PID1: variants seen among roughly 807,000 people sequenced by gnomAD.
PID1 encodes phosphotyrosine interaction domain containing 1.
A neutral mutation model predicts 19.1 loss-of-function variants in PID1; 10 were observed. That is an observed-to-expected ratio of 0.52 (90% CI 0.32 to 0.89). The LOEUF (loss-of-function observed/expected upper bound fraction) is 0.89. Among genes scored for constraint, PID1 ranks in the 40% least tolerant of loss-of-function variants. PID1 has a pLI of 0.03. For synonymous variants in PID1, 130 were observed against 116.0 expected, an observed-to-expected ratio of 1.12 and a Z score of -0.78; for missense variants, 248 against 285.3, an observed-to-expected ratio of 0.87 and a Z score of 0.94.
In PID1 at chr2:229,124,400, T is replaced by TA. The variant is rs892642551; in HGVS notation, c.177+31417dup. On this transcript the variant is annotated intron_variant, in intron 2 of 2. Coordinates refer to ENST00000392055, the MANE Select transcript of PID1 (RefSeq NM_001100818.2). ...TTTCCCTATTTTGGGTAAAGAAAACTAAAAAAAAAGTTAGAGGAAAGAGAA... is the reference window on the plus strand; with the variant it reads ...TTTCCCTATTTTGGGTAAAGAAAACTAAAAAAAAAAGTTAGAGGAAAGAGAA... Among the ~76,000 whole-genome samples, 4 of 150,756 alleles carry TA rather than the reference T, an allele frequency of 2.7e-5. No individual in the cohort carries two copies. In the South Asian group the frequency reaches 6.3e-4, roughly 24 times the overall value.
intron 2 of PID1, among the ~76,000 whole-genome samples, chr2:229,072,596 A>T (rs77795014): frequency 5.5e-4 from 31 of 56,390 alleles, no homozygotes; most frequent in African/African-American, 2.3e-3. Flanking sequence ...TCAAAAAAGA[A>T]AAAAAAAAAA....
At chr2:229,047,655 T>A in intron 2 of PID1, among the ~76,000 whole-genome samples, 1 of 152,228 alleles carries the variant, frequency 6.6e-6, no homozygotes, top group Admixed American at 6.5e-5. Flanking sequence ...CATTAAATTC[T>A]CACAGTAGCC....
chr2:229,162,539 C>T (rs1029795541), intron 1 of PID1, among the ~76,000 whole-genome samples: 7 of 152,186 alleles, frequency 4.6e-5, no homozygotes, highest in Admixed American at 2.0e-4. Flanking sequence ...AAATTACTGA[C>T]TTAGTAATGC....
At chr2:229,085,715 C>T (rs1396217014) in intron 2 of PID1, among the ~76,000 whole-genome samples, 1 of 152,046 alleles carries the variant, frequency 6.6e-6, no homozygotes, top group African/African-American at 2.4e-5. Flanking sequence ...CAAGTATGCC[C>T]TTTGTCCTTC....
chr2:229,201,145 C>T (rs1230111869), intron 1 of PID1, among the ~76,000 whole-genome samples: 1 of 152,068 alleles, frequency 6.6e-6, no homozygotes, highest in East Asian at 1.9e-4. Context: ...AATTTAATAT[C>T]TTCACCATTT....
chr2:229,120,086 G>A (rs1574644589), intron 2 of PID1, among the ~76,000 whole-genome samples: 1 of 152,228 alleles, frequency 6.6e-6, no homozygotes, highest in East Asian at 1.9e-4. Flanking sequence ...CCATAATCAT[G>A]TGAGCCAACA....
At chr2:229,087,873 C>G (rs1694800243) in intron 2 of PID1, among the ~76,000 whole-genome samples, 1 of 152,020 alleles carries the variant, frequency 6.6e-6, no homozygotes, top group Non-Finnish European at 1.5e-5. Flanking sequence ...TGCCCTTTGT[C>G]CTTCAATTAG....
chr2:229,126,975 G>A (rs1695634673), intron 2 of PID1, among the ~76,000 whole-genome samples: 1 of 152,206 alleles, frequency 6.6e-6, no homozygotes, highest in South Asian at 2.1e-4. Context: ...GCTTCTCCCA[G>A]TCTGTGGCTC....
chr2:229,203,346 G>A (rs1166127794), intron 1 of PID1, among the ~76,000 whole-genome samples: 1 of 152,028 alleles, frequency 6.6e-6, no homozygotes, highest in East Asian at 1.9e-4. Flanking sequence ...AGTATAGTAA[G>A]TCTTCACCTA....
intron 2 of PID1, among the ~76,000 whole-genome samples, chr2:229,071,548 T>G (rs1297151309): frequency 6.6e-6 from 1 of 152,248 alleles, no homozygotes; most frequent in African/African-American, 2.4e-5. Context: ...GGCGCCCAGC[T>G]GGCCAGTCCA....
chr2:229,171,685 C>T (rs1202365499), intron 1 of PID1, among the ~76,000 whole-genome samples: 1 of 152,174 alleles, frequency 6.6e-6, no homozygotes, highest in South Asian at 2.1e-4. Context: ...CACATAGTAG[C>T]TCCTAAATGT....
Position 229,046,377 on chromosome 2 carries a change from T to C in PID1, c.178-20269A>G, listed in dbSNP as rs964135430. Among the ~76,000 whole-genome samples the C allele has an allele frequency of 4.6e-4, 67 of 146,928 alleles. 1 individual carries two copies. Among genetic ancestry groups the C allele is most frequent in the African/African-American group, 1.4e-3 (54 of 38,870 alleles). Reference sequence around the variant, plus strand: ...GTGTGTGTGTGTGTGTGTGTGTGTGTGTGCGTGTGTGTGTGTGTGTGAGTC... The same window carrying C: ...GTGTGTGTGTGTGTGTGTGTGTGTGCGTGCGTGTGTGTGTGTGTGTGAGTC... On this transcript the variant is annotated intron_variant, in intron 2 of 2. Transcript: ENST00000392055.
rs965881707 is a variant in PID1 at position 229,267,928 on chromosome 2, GAA to G, written c.30+3084_30+3085del. Among the ~76,000 whole-genome samples the G allele has an allele frequency of 2.8e-5, 4 of 143,396 alleles. No homozygotes were observed. The South Asian group carries it at 8.8e-4, about 31-fold the overall frequency. The allele number at this position is 143,396 out of a possible 152,430, so 94.1% of individuals were successfully genotyped here. A position where few individuals can be genotyped will look rare whatever the true frequency, so the allele number is the denominator to read the frequency against. On this transcript the variant is annotated intron_variant, in intron 1 of 2. Coordinates refer to ENST00000392055, the MANE Select transcript of PID1 (RefSeq NM_001100818.2). ...GTATAACACTCCTCAATACCTCCAA[GAA>G]AAAAAAAAAGTCTGCTGTGCAGACG...
At chr2:229,250,779 A>G (rs182367369) in intron 1 of PID1, among the ~76,000 whole-genome samples, 45 of 152,274 alleles carry the variant, frequency 3.0e-4, no homozygotes, top group African/African-American at 7.2e-4. Context: ...TAAAAACCCA[A>G]TGATGATGAA....
At chr2:229,261,198 T>C (rs1003908577) in intron 1 of PID1, among the ~76,000 whole-genome samples, 1 of 152,052 alleles carries the variant, frequency 6.6e-6, no homozygotes, top group Non-Finnish European at 1.5e-5. Context: ...TCAGGACAAA[T>C]TAACCCTGCC....
chr2:229,093,195 C>T (rs183657964), intron 2 of PID1, among the ~76,000 whole-genome samples: 33 of 150,166 alleles, frequency 2.2e-4, no homozygotes, highest in Admixed American at 1.9e-3. Context: ...AGCAGTGGCA[C>T]GATCTCAGCC....
At chr2:229,215,472 C>T (rs1691824979) in intron 1 of PID1, among the ~76,000 whole-genome samples, 2 of 152,114 alleles carry the variant, frequency 1.3e-5, no homozygotes, top group African/African-American at 4.8e-5. Context: ...GTAGTTCTGC[C>T]TGAAAGTTTT....
At chr2:229,097,273 T>C (rs1382142116) in intron 2 of PID1, among the ~76,000 whole-genome samples, 2 of 152,214 alleles carry the variant, frequency 1.3e-5, no homozygotes, top group Non-Finnish European at 2.9e-5. Context: ...GTCTTACATA[T>C]GTGCTATGTT....
At chr2:229,067,425 G>C (rs748602902) in intron 2 of PID1, among the ~76,000 whole-genome samples, 1 of 152,190 alleles carries the variant, frequency 6.6e-6, no homozygotes, top group Non-Finnish European at 1.5e-5. Context: ...AAGTAAGGGA[G>C]AGGATGGGGG....
Sources: allele counts gnomAD v4.1 joint callset (sites outside exome capture counted in the v4.1 genomes callset), GRCh38; gene constraint gnomAD v4.1.1; transcripts MANE v1.5; gene names NCBI Gene and HGNC (gene_info 2026-07-23, HGNC 2026-07-21).